Variants in PARPBP observed in about 807,000 individuals in gnomAD.
PARPBP encodes PCNA-interacting partner.
In PARPBP, 52 loss-of-function variants were observed where a neutral mutation model predicts 50.0. The ratio of observed to expected loss-of-function variants is 1.04; its 90% confidence interval spans 0.83 to 1.31. The LOEUF (loss-of-function observed/expected upper bound fraction) is 1.31, where lower values mean the gene tolerates loss of function less well. PARPBP is among the 50% of genes most tolerant of loss of function. The probability of loss-of-function intolerance (pLI) is 0.00; values close to 1 mark genes in which losing one functional copy is unlikely to be tolerated. For synonymous variants in PARPBP, 244 were observed against 232.1 expected, an observed-to-expected ratio of 1.05 and a Z score of -0.47; for missense variants, 697 against 672.0, an observed-to-expected ratio of 1.04 and a Z score of -0.41.
At chr12:102,123,496 A>G (rs1047606009) in intron 1 of PARPBP, among the ~76,000 whole-genome samples, 2 of 149,474 alleles carry the variant, frequency 1.3e-5, no homozygotes, top group Admixed American at 6.7e-5. Context: ...TTGGCTTTTT[A>G]GGTTTTTTTT....
intron 6 of PARPBP, among the ~76,000 whole-genome samples, chr12:102,170,149 G>C (rs921410717): frequency 6.6e-6 from 1 of 152,300 alleles, no homozygotes; most frequent in East Asian, 1.9e-4. Context: ...TCACCTGAAA[G>C]ATGTCTTAAA....
intron 9 of PARPBP, among the ~76,000 whole-genome samples, chr12:102,188,327 A>C (rs1206764720): frequency 6.6e-6 from 1 of 151,740 alleles, no homozygotes; most frequent in Non-Finnish European, 1.5e-5. Context: ...ATCACAGAAC[A>C]TAGTGTGAAA....
chr12:102,180,233 A>G (rs1176237829), intron 8 of PARPBP, among the ~76,000 whole-genome samples: 1 of 152,238 alleles, frequency 6.6e-6, no homozygotes, highest in Admixed American at 6.5e-5. Flanking sequence ...GTAAAAAGAA[A>G]TAAATGAACT....
intron 6 of PARPBP, among the ~76,000 whole-genome samples, chr12:102,172,986 G>A (rs1888900113): frequency 6.6e-6 from 1 of 152,180 alleles, no homozygotes; most frequent in South Asian, 2.1e-4. Flanking sequence ...CAGAAGTATG[G>A]CAGACTAGGC....
intron 3 of PARPBP, among the ~76,000 whole-genome samples, chr12:102,149,981 T>G (rs1174752219): frequency 6.6e-6 from 1 of 152,236 alleles, no homozygotes; most frequent in Non-Finnish European, 1.5e-5. Flanking sequence ...CCAGTGACAG[T>G]ATAATCTACC....
At chr12:102,160,109 G>A (rs1360554609) in intron 4 of PARPBP, among the ~76,000 whole-genome samples, 6 of 152,078 alleles carry the variant, frequency 3.9e-5, no homozygotes, top group Non-Finnish European at 1.5e-5. Context: ...GCTTTTCCAG[G>A]GAACCTCTTT....
chr12:102,196,656 A>G lies in PARPBP; in HGVS notation c.*365A>G. ...GATGATGTGGACCAACAGGTATCAG[A>G]CTTGCCAACAAGGTCGGTAGACTCT... On this transcript the variant is annotated 3_prime_UTR_variant, in exon 11 of 11. Coordinates refer to ENST00000327680, the MANE Select transcript of PARPBP (RefSeq NM_017915.5). The G allele has an allele frequency of 6.2e-7, 1 of 1,608,436 alleles. No homozygotes were observed. Among genetic ancestry groups the G allele is most frequent in the Non-Finnish European group, 8.5e-7 (1 of 1,175,152 alleles).
At position 102,154,943 on chromosome 12, in the gene PARPBP, T is replaced by G. The variant is rs747650463; in HGVS notation, c.495+967T>G. ...AGACGTCATCTACATAATAAGAACC[T>G]TGGTCTTCACAATCCCATATCTTAA... On this transcript the variant is annotated intron_variant, in intron 4 of 10. Transcript: ENST00000327680. The G allele has an allele frequency of 1.8e-4, 73 of 395,278 alleles. 1 individual carries two copies. The highest frequency in any genetic ancestry group is 7.5e-4 in the South Asian group (39 of 52,054). The allele number at this position is 395,278 out of a possible 1,614,324, so 24.5% of individuals were successfully genotyped here.
chr12:102,132,583 A>G (rs565298106), intron 2 of PARPBP, among the ~76,000 whole-genome samples: 1 of 152,262 alleles, frequency 6.6e-6, no homozygotes, highest in South Asian at 2.1e-4. Flanking sequence ...GAAGTTAGGT[A>G]GTGTGATGCC....
At chr12:102,158,824 G>A (rs1261747797) in intron 4 of PARPBP, among the ~76,000 whole-genome samples, 1 of 152,054 alleles carries the variant, frequency 6.6e-6, no homozygotes, top group East Asian at 1.9e-4. Flanking sequence ...GAACCAATTT[G>A]TATATGTGAA....
At chr12:102,193,027 C>T (rs1034388268) in intron 9 of PARPBP, among the ~76,000 whole-genome samples, 4 of 151,088 alleles carry the variant, frequency 2.6e-5, no homozygotes, top group Admixed American at 2.6e-4. Flanking sequence ...AATTATTTTT[C>T]TTTTACATCT....
intron 4 of PARPBP, chr12:102,154,686 A>C: frequency 2.7e-6 from 1 of 368,192 alleles, no homozygotes; most frequent in Non-Finnish European, 5.3e-6. Context: ...ATCACATGAC[A>C]GATAGAGAAG....
intron 9 of PARPBP, among the ~76,000 whole-genome samples, chr12:102,186,415 C>T (rs147695330): frequency 0.012 from 1,803 of 151,868 alleles, 61 homozygotes; most frequent in Admixed American, 0.086. Flanking sequence ...ATTTATGTTG[C>T]TTATTTGAAG....
At chr12:102,155,550 A>G (rs1313746734) in intron 4 of PARPBP, among the ~76,000 whole-genome samples, 1 of 127,700 alleles carries the variant, frequency 7.8e-6, no homozygotes, top group African/African-American at 2.9e-5. Context: ...AGGCTAAAAC[A>G]GGAGGTAAAG....
chr12:102,170,459 G>C (rs562378518), intron 6 of PARPBP, among the ~76,000 whole-genome samples: 1 of 152,294 alleles, frequency 6.6e-6, no homozygotes, highest in East Asian at 1.9e-4. Flanking sequence ...AAATACTGTA[G>C]GCAATTGTAA....
intron 3 of PARPBP, 96 bp from the exon 4 acceptor site, chr12:102,153,773 C>T (rs1886528971): frequency 3.0e-6 from 2 of 674,328 alleles, no homozygotes; most frequent in Non-Finnish European, 5.4e-6. Context: ...GTAATACTCT[C>T]AACTGAAACA....
chr12:102,165,751 C>T lies in PARPBP; in HGVS notation c.689C>T (p.Thr230Ile), dbSNP rs761342461. The T allele has an allele frequency of 6.2e-7, 1 of 1,608,478 alleles. No individual in the cohort carries two copies. Among genetic ancestry groups the T allele is most frequent in the South Asian group, 1.1e-5 (1 of 89,798 alleles). Residue 230 changes from threonine (T) to isoleucine (I), a missense_variant, in exon 6 of 11, where the codon ACA becomes ATA. Thr to Ile is a moderately conservative substitution (Grantham distance 89, BLOSUM62 -1). Coordinates refer to ENST00000327680, the MANE Select transcript of PARPBP (RefSeq NM_017915.5). The stretch of plus-strand genomic sequence containing the variant: ...TAGGTGGCCACGTCTTTTATTAGAA[C>T]AATAGAGCTTGGAGGGAAAGGATAT... Reference protein sequence around the residue: ...IFLVATSFIRTIELGGKGYAP... With the variant: ...IFLVATSFIRIIELGGKGYAP...
intron 8 of PARPBP, 46 bp downstream of exon 8, chr12:102,178,816 G>A: frequency 4.8e-6 from 6 of 1,238,008 alleles, no homozygotes; most frequent in South Asian, 3.9e-5. Context: ...TAACTCTAGA[G>A]AATTATAAAA....
intron 4 of PARPBP, among the ~76,000 whole-genome samples, chr12:102,155,854 G>T (rs934506656): frequency 6.6e-6 from 1 of 152,170 alleles, no homozygotes; most frequent in Non-Finnish European, 1.5e-5. Context: ...CTAGCCAGGC[G>T]CTCATTGCTG....
Sources: allele counts gnomAD v4.1 joint callset (sites outside exome capture counted in the v4.1 genomes callset), GRCh38; gene constraint gnomAD v4.1.1; transcripts MANE v1.5; gene names NCBI Gene and HGNC (gene_info 2026-07-23, HGNC 2026-07-21).